The following ANTXR1 variants were observed in gnomAD, a reference collection of about 807,000 sequenced individuals.
ANTXR1 encodes the protein ANTXR cell adhesion molecule 1, also known as anthrax toxin receptor 1.
Under a neutral mutation model 78.1 loss-of-function variants are expected in ANTXR1, and 19 were observed. That is an observed-to-expected ratio of 0.24 (90% CI 0.17 to 0.36). The LOEUF (loss-of-function observed/expected upper bound fraction) is 0.36, where lower values mean the gene tolerates loss of function less well. Among genes scored for constraint, ANTXR1 ranks in the 10% least tolerant of loss-of-function variants. ANTXR1 has a pLI of 1.00. For synonymous variants in ANTXR1, 273 were observed against 260.5 expected, an observed-to-expected ratio of 1.05 and a Z score of -0.46; for missense variants, 518 against 718.6, an observed-to-expected ratio of 0.72 and a Z score of 3.19.
chr2:69,069,550 T>C (rs1349722701), intron 3 of ANTXR1, among the ~76,000 whole-genome samples: 3 of 152,224 alleles, frequency 2.0e-5, no homozygotes, highest in African/African-American at 7.2e-5. Context: ...TCCTCTAGCA[T>C]TGTTCCATGC....
At chr2:69,117,693 A>G (rs1672195298) in intron 10 of ANTXR1, among the ~76,000 whole-genome samples, 1 of 152,238 alleles carries the variant, frequency 6.6e-6, no homozygotes, top group Non-Finnish European at 1.5e-5. Context: ...CATGTAATAA[A>G]GAAGAATAAC....
At chr2:69,125,346 G>T (rs770087140) in intron 12 of ANTXR1, among the ~76,000 whole-genome samples, 44 of 152,152 alleles carry the variant, frequency 2.9e-4, no homozygotes, top group Non-Finnish European at 4.9e-4. Context: ...AAAGATTGGT[G>T]CCCTGACCGC....
At chr2:69,218,440 A>T (rs1261975701) in intron 17 of ANTXR1, among the ~76,000 whole-genome samples, 1 of 152,188 alleles carries the variant, frequency 6.6e-6, no homozygotes, top group African/African-American at 2.4e-5. Flanking sequence ...TGTCGGTGTA[A>T]AAGTAATCAA....
At chr2:69,196,625 C>G (rs376267865) in intron 17 of ANTXR1, among the ~76,000 whole-genome samples, 1 of 152,154 alleles carries the variant, frequency 6.6e-6, no homozygotes, top group East Asian at 1.9e-4. Context: ...GGTGGTGAGT[C>G]TGTAAGAATT....
intron 9 of ANTXR1, among the ~76,000 whole-genome samples, chr2:69,096,342 AAGGGAGGAAGGGAGGAAGGGAGGAAGGG>A (rs1671421133): frequency 5.9e-5 from 1 of 16,942 alleles, no homozygotes; most frequent in Admixed American, 5.0e-4. Flanking sequence ...GGAAGGGAGG[AAGGGAGGAAGGGAGGAAGGGAGGAAGGG>A]AGGAAGGAGG....
At chr2:69,144,901 T>C (rs1304350035) in intron 12 of ANTXR1, among the ~76,000 whole-genome samples, 1 of 152,168 alleles carries the variant, frequency 6.6e-6, no homozygotes, top group Admixed American at 6.5e-5. Flanking sequence ...TGTAGAAATA[T>C]AATTGTTGTA....
rs1676050784 is a variant in ANTXR1, at chr2:69,247,550, GA to G, written c.*2067del. ...ACCCTGCCGCATTGTCTAATTTTTA[GA>G]ACACTAGGCTTCTTCTTTCATGTAG... On this transcript the variant is annotated 3_prime_UTR_variant, in exon 18 of 18. Transcript: ENST00000303714. 6.6e-6 allele frequency: 1 copy of G among 152,668 alleles called. No individual in the cohort carries two copies. The highest frequency in any genetic ancestry group is 1.5e-5 in the Non-Finnish European group (1 of 68,092). The allele number at this position is 152,668 out of a possible 1,614,324, so 9.5% of individuals were successfully genotyped here.
chr2:69,122,254 C>A (rs80168178), intron 10 of ANTXR1, among the ~76,000 whole-genome samples: 12,628 of 152,250 alleles, frequency 0.083, 567 homozygotes, highest in Admixed American at 0.1. Flanking sequence ...AAAAGCATAG[C>A]TCATGTTTTG....
At chr2:69,086,937 C>T (rs1201585528) in intron 8 of ANTXR1, among the ~76,000 whole-genome samples, 2 of 152,310 alleles carry the variant, frequency 1.3e-5, no homozygotes, top group Admixed American at 6.5e-5. Context: ...TGATCTCATG[C>T]TCTCCCTCAC....
At chr2:69,074,409 A>G (rs1670665372) in intron 6 of ANTXR1, among the ~76,000 whole-genome samples, 1 of 152,224 alleles carries the variant, frequency 6.6e-6, no homozygotes, top group African/African-American at 2.4e-5. Flanking sequence ...GGGGTGTCAG[A>G]GGCTTAAGAT....
chr2:69,176,728 T>G (rs980657780), intron 14 of ANTXR1, among the ~76,000 whole-genome samples: 1 of 152,232 alleles, frequency 6.6e-6, no homozygotes, highest in Non-Finnish European at 1.5e-5. Context: ...GCTTATGCAT[T>G]TAAGATGTGC....
At position 69,248,080 on chromosome 2, in the gene ANTXR1, T is replaced by C. The variant is rs985532445; in HGVS notation, c.*2595T>C. 6.0e-6 allele frequency: 1 copy of C among 166,882 alleles called. No homozygotes were observed. The highest frequency in any genetic ancestry group is 1.5e-5 in the Non-Finnish European group (1 of 68,126). The allele number at this position is 166,882 out of a possible 1,614,324, so 10.3% of individuals were successfully genotyped here. The stretch of plus-strand genomic sequence containing the variant: ...TAGTGGGCTATTACAGGCAGGAAAA[T>C]GTTTTAACTGGTTTACAAAATCCAT... On this transcript the variant is annotated 3_prime_UTR_variant, in exon 18 of 18. Transcript: ENST00000303714.
intron 12 of ANTXR1, among the ~76,000 whole-genome samples, chr2:69,151,140 CATT>C (rs200419533): frequency 9.9e-5 from 14 of 141,322 alleles, no homozygotes; most frequent in East Asian, 2.2e-4. Context: ...TTTATGTTTT[CATT>C]ATTATTATTA....
Position 69,125,017 on chromosome 2 carries a change from C to T in ANTXR1, c.951+374C>T, listed in dbSNP as rs62134403. ...AATTGGACAGCATATACAGAAAGAA[C>T]GTCTTAGGGAGTTCATCTCTAAAGG... On this transcript the variant is annotated intron_variant, in intron 12 of 17. Transcript: ENST00000303714. Among the ~76,000 whole-genome samples the T allele has an allele frequency of 7.3e-3, 1,116 of 152,162 alleles. 6 individuals are homozygous for T. Among genetic ancestry groups the T allele is most frequent in the Non-Finnish European group, 0.013 (902 of 68,006 alleles).
intron 1 of ANTXR1, among the ~76,000 whole-genome samples, chr2:69,017,826 C>A (rs1448627974): frequency 6.6e-6 from 1 of 152,212 alleles, no homozygotes; most frequent in Non-Finnish European, 1.5e-5. Flanking sequence ...TCTTTTAAGT[C>A]TTCCAGGGGA....
intron 7 of ANTXR1, chr2:69,077,093 G>A (rs141212281): frequency 7.4e-6 from 3 of 402,760 alleles, no homozygotes; most frequent in African/African-American, 6.0e-5. Context: ...CCCATGGCCT[G>A]TGCCCAAATT....
intron 12 of ANTXR1, among the ~76,000 whole-genome samples, chr2:69,143,325 T>C (rs1673123329): frequency 6.6e-6 from 1 of 152,134 alleles, no homozygotes. Context: ...ACGTGTCATA[T>C]TGGGGAAGGA....
rs533112753 is a variant in ANTXR1, at chr2:69,238,497, C to T, written c.1435-6728C>T. On this transcript the variant is annotated intron_variant, in intron 17 of 17. Coordinates refer to ENST00000303714, the MANE Select transcript of ANTXR1 (RefSeq NM_032208.3). ...AAGTCATCCAATCCAGCCATCCATTCATTGTTGATGTGTTTAATTCATCAG... is the reference window on the plus strand; with the variant it reads ...AAGTCATCCAATCCAGCCATCCATTTATTGTTGATGTGTTTAATTCATCAG... 1.2e-3 allele frequency among the ~76,000 whole-genome samples: 176 copies of T among 152,316 alleles called. 1 individual carries two copies. The highest frequency in any genetic ancestry group is 1.1e-3 in the Non-Finnish European group (75 of 68,038).
At chr2:69,237,216 A>C (rs1675786863) in intron 17 of ANTXR1, among the ~76,000 whole-genome samples, 1 of 152,170 alleles carries the variant, frequency 6.6e-6, no homozygotes, top group Admixed American at 6.5e-5. Context: ...GCATCCAAAG[A>C]CATTATTATG....
Sources: allele counts gnomAD v4.1 joint callset (sites outside exome capture counted in the v4.1 genomes callset), GRCh38; gene constraint gnomAD v4.1.1; transcripts MANE v1.5; gene names NCBI Gene and HGNC (gene_info 2026-07-23, HGNC 2026-07-21).